The following MAPK10 variants were observed in gnomAD, a reference collection of about 807,000 sequenced individuals.
MAPK10 encodes the protein JNK3 alpha protein kinase.
In MAPK10, 25 loss-of-function variants were observed where a neutral mutation model predicts 59.3. That is an observed-to-expected ratio of 0.42 (90% CI 0.31 to 0.59). MAPK10 has a LOEUF of 0.59. Ranked by LOEUF, MAPK10 falls within the 20% of genes least tolerant of loss-of-function variation. MAPK10 has a pLI of 0.15. For missense variants in MAPK10, 351 were observed against 568.9 expected (o/e 0.62, Z 3.90); for synonymous variants, 190 against 200.5 (o/e 0.95, Z 0.44).
At chr4:86,291,636 A>G (rs2095231231) in intron 2 of MAPK10, among the ~76,000 whole-genome samples, 1 of 152,224 alleles carries the variant, frequency 6.6e-6, no homozygotes. Flanking sequence ...ATTTACATTT[A>G]TACCGTAGTA....
intron 1 of MAPK10, among the ~76,000 whole-genome samples, chr4:86,445,319 A>G (rs1391127250): frequency 6.6e-6 from 1 of 152,224 alleles, no homozygotes; most frequent in East Asian, 1.9e-4. Flanking sequence ...TAATGCAGGA[A>G]GAGAAAATGA....
At chr4:86,204,649 G>C (rs1280619384) in intron 2 of MAPK10, among the ~76,000 whole-genome samples, 1 of 151,984 alleles carries the variant, frequency 6.6e-6, no homozygotes, top group East Asian at 1.9e-4. Flanking sequence ...TGTAAATCCA[G>C]CCATGTTTAA....
At chr4:86,144,488 T>C (rs2064388223) in intron 4 of MAPK10, among the ~76,000 whole-genome samples, 1 of 152,180 alleles carries the variant, frequency 6.6e-6, no homozygotes, top group African/African-American at 2.4e-5. Context: ...ATTGTTTTCA[T>C]TTCAAAGTGG....
chr4:86,160,348 T>G (rs2069172226), intron 3 of MAPK10: 1 of 152,006 alleles, frequency 6.6e-6, no homozygotes, highest in Non-Finnish European at 1.5e-5. Flanking sequence ...ATCTAGCCCA[T>G]TCCTGTGGCA....
At chr4:86,538,348 G>A (rs1758411391) in intron 1 of MAPK10, among the ~76,000 whole-genome samples, 1 of 152,084 alleles carries the variant, frequency 6.6e-6, no homozygotes. Flanking sequence ...GTTTCTCCAT[G>A]TTGGTCAGGC....
At chr4:86,116,899 G>A (rs1490333858) in intron 4 of MAPK10, among the ~76,000 whole-genome samples, 2 of 152,174 alleles carry the variant, frequency 1.3e-5, no homozygotes, top group Non-Finnish European at 2.9e-5. Context: ...TAAAATCAAT[G>A]TTCTTCCCAG....
chr4:86,308,120 A>G (rs1160777183), intron 2 of MAPK10, among the ~76,000 whole-genome samples: 1 of 152,108 alleles, frequency 6.6e-6, no homozygotes, highest in Non-Finnish European at 1.5e-5. Context: ...AAAGGGAAGT[A>G]CAAAAAAAGA....
chr4:86,133,592 T>C (rs1324304558), intron 4 of MAPK10, among the ~76,000 whole-genome samples: 1 of 152,224 alleles, frequency 6.6e-6, no homozygotes, highest in Non-Finnish European at 1.5e-5. Context: ...CTCAAATAAA[T>C]GTGTCTACAG....
At chr4:86,516,122 T>G (rs1044744192) in intron 1 of MAPK10, among the ~76,000 whole-genome samples, 19 of 152,066 alleles carry the variant, frequency 1.2e-4, no homozygotes, top group African/African-American at 2.6e-4. Flanking sequence ...ATCCCAGCAC[T>G]GTTTCTTGAA....
chr4:86,262,254 C>A (rs939017923), intron 2 of MAPK10, among the ~76,000 whole-genome samples: 2 of 152,126 alleles, frequency 1.3e-5, no homozygotes, highest in South Asian at 4.2e-4. Flanking sequence ...CACATACAAT[C>A]TTTTGCCCTT....
intron 2 of MAPK10, among the ~76,000 whole-genome samples, chr4:86,247,688 C>T (rs1308672689): frequency 1.3e-5 from 2 of 152,034 alleles, no homozygotes; most frequent in Non-Finnish European, 2.9e-5. Flanking sequence ...TCTGACAATA[C>T]AGAAAATGGA....
At chr4:86,295,787 C>G (rs1014053965) in intron 2 of MAPK10, among the ~76,000 whole-genome samples, 2 of 144,828 alleles carry the variant, frequency 1.4e-5, no homozygotes, top group Admixed American at 6.9e-5. Context: ...TATATATTCT[C>G]TATATTTCCC....
intron 1 of MAPK10, among the ~76,000 whole-genome samples, chr4:86,541,947 GCACA>G (rs10555824): frequency 0.27 from 37,773 of 140,186 alleles, 5,253 homozygotes; most frequent in Admixed American, 0.32. Context: ...GAATACACCG[GCACA>G]CACACACACA....
At chr4:86,477,242 C>T (rs1394206178) in intron 1 of MAPK10, among the ~76,000 whole-genome samples, 1 of 152,168 alleles carries the variant, frequency 6.6e-6, no homozygotes, top group African/African-American at 2.4e-5. Flanking sequence ...TATTGACAGC[C>T]AGGCTTCTAA....
At chr4:86,053,578 G>A (rs1408355956) in intron 11 of MAPK10, among the ~76,000 whole-genome samples, 2 of 152,126 alleles carry the variant, frequency 1.3e-5, no homozygotes, top group East Asian at 3.9e-4. Flanking sequence ...CTTCCTCTTA[G>A]TATAAAATTT....
At chr4:86,238,105 C>T (rs556746902) in intron 2 of MAPK10, among the ~76,000 whole-genome samples, 3 of 152,246 alleles carry the variant, frequency 2.0e-5, no homozygotes, top group African/African-American at 7.2e-5. Context: ...ATAGAAGATC[C>T]TTTCCCCATT....
chr4:86,338,497 C>T (rs1430087173), intron 2 of MAPK10, among the ~76,000 whole-genome samples: 1 of 152,164 alleles, frequency 6.6e-6, no homozygotes, highest in Non-Finnish European at 1.5e-5. Flanking sequence ...CATCTCAGGA[C>T]AGTTTGGGGC....
In MAPK10 at chr4:86,159,563, C is replaced by T. The variant is rs114475043; in HGVS notation, c.67-96G>A. 1,256 of 960,842 alleles carry T rather than the reference C, an allele frequency of 1.3e-3. 11 individuals are homozygous for T. The African/African-American group carries it at 0.019, about 14-fold the overall frequency. 59.5% of individuals were successfully genotyped at this position (960,842 alleles called of 1,614,324 possible). On this transcript the variant is annotated intron_variant, in intron 3 of 13. Transcript: ENST00000641462. Reference sequence around the variant, plus strand: ...CTTGTTCTTTTAATGATTACTGACACTTAGCCATCTATCATCTAGTTCATG... The same window carrying T: ...CTTGTTCTTTTAATGATTACTGACATTTAGCCATCTATCATCTAGTTCATG...
At chr4:86,080,504 C>A (rs546284510) in intron 9 of MAPK10, 1 of 151,802 alleles carries the variant, frequency 6.6e-6, no homozygotes, top group African/African-American at 2.4e-5. Flanking sequence ...GGTAAGGGAA[C>A]CTCAATTAAA....
Sources: gnomAD v4.1 joint callset for allele counts (sites outside exome capture counted in the v4.1 genomes callset) on GRCh38, gnomAD v4.1.1 for gene constraint, MANE v1.5 for transcripts, NCBI Gene and HGNC (gene_info 2026-07-23, HGNC 2026-07-21) for gene names.